The following ERBB4 variants were observed in gnomAD, a reference collection of about 807,000 sequenced individuals.
The protein encoded by ERBB4 is receptor tyrosine-protein kinase erbB-4.
A neutral mutation model predicts 158.0 loss-of-function variants in ERBB4; 42 were observed. The ratio of observed to expected loss-of-function variants is 0.27; its 90% CI spans 0.21 to 0.34. The LOEUF (loss-of-function observed/expected upper bound fraction) is 0.34. Among genes scored for constraint, ERBB4 ranks in the 10% least tolerant of loss-of-function variants. The pLI is 1.00. For missense variants in ERBB4, 1,333 were observed against 1,624.1 expected (o/e 0.82, Z 3.08); for synonymous variants, 583 against 558.7 (o/e 1.04, Z -0.61).
In ERBB4 at chr2:211,860,949, T is replaced by C. The variant is rs997451941; in HGVS notation, c.422-72790A>G. 7.4e-5 allele frequency among the ~76,000 whole-genome samples: 8 copies of C among 107,542 alleles called. 1 individual carries two copies. Among genetic ancestry groups the C allele is most frequent in the Non-Finnish European group, 1.3e-4 (7 of 54,944 alleles). The allele number at this position is 107,542 out of a possible 152,430, so 70.6% of individuals were successfully genotyped here. On this transcript the variant is annotated intron_variant, in intron 3 of 27. Coordinates refer to ENST00000342788, the MANE Select transcript of ERBB4 (RefSeq NM_005235.3). ...AATATATTACATTATATATATTTTA[T>C]ATATATATAAATATATAAATATATT...
At chr2:211,463,563 A>G (rs1331121980) in intron 20 of ERBB4, among the ~76,000 whole-genome samples, 1 of 152,168 alleles carries the variant, frequency 6.6e-6, no homozygotes, top group Non-Finnish European at 1.5e-5. Flanking sequence ...AAATGTGCTA[A>G]TAGGTCAGGC....
At chr2:212,148,258 C>T (rs918227407) in intron 1 of ERBB4, among the ~76,000 whole-genome samples, 7 of 151,530 alleles carry the variant, frequency 4.6e-5, no homozygotes, top group African/African-American at 1.7e-4. Context: ...TGAATATAGA[C>T]TAAAAACTAG....
chr2:211,727,163 C>T (rs991805827), intron 5 of ERBB4, among the ~76,000 whole-genome samples: 20 of 152,072 alleles, frequency 1.3e-4, no homozygotes, highest in South Asian at 8.3e-4. Context: ...AATATATCCA[C>T]GTTATATGGG....
intron 1 of ERBB4, among the ~76,000 whole-genome samples, chr2:212,189,210 A>G (rs2082118695): frequency 6.6e-6 from 1 of 152,046 alleles, no homozygotes; most frequent in South Asian, 2.1e-4. Context: ...AAAGTTTTGA[A>G]TTTTGCAGCA....
At chr2:211,574,896 C>T (rs1442223831) in intron 19 of ERBB4, among the ~76,000 whole-genome samples, 2 of 152,268 alleles carry the variant, frequency 1.3e-5, no homozygotes, top group South Asian at 2.1e-4. Flanking sequence ...AAGAATTCTA[C>T]CAGAGCTTAA....
chr2:211,944,177 C>CTATATATATATATATAGTGTATATA (rs1553517867), intron 3 of ERBB4, among the ~76,000 whole-genome samples: 12 of 38,578 alleles, frequency 3.1e-4, no homozygotes, highest in East Asian at 2.6e-3. Context: ...TATATATATA[C>CTATATATATATATATAGTGTATATA]TATATATATA....
At chr2:212,332,578 A>G (rs990881636) in intron 1 of ERBB4, among the ~76,000 whole-genome samples, 1 of 152,046 alleles carries the variant, frequency 6.6e-6, no homozygotes, top group African/African-American at 2.4e-5. Context: ...ATTAATTAAT[A>G]TAAGTAATGC....
chr2:211,646,079 C>A (rs1056994363), intron 16 of ERBB4, among the ~76,000 whole-genome samples: 1 of 151,262 alleles, frequency 6.6e-6, no homozygotes, highest in Non-Finnish European at 1.5e-5. Context: ...GGAAGGCTGT[C>A]CATAAAGTAC....
chr2:211,574,097 A>C (rs1327545510), intron 19 of ERBB4, among the ~76,000 whole-genome samples: 1 of 152,242 alleles, frequency 6.6e-6, no homozygotes, highest in Non-Finnish European at 1.5e-5. Flanking sequence ...TTATATCTAA[A>C]GGGAATAAAA....
chr2:212,362,025 A>G (rs971418567), intron 1 of ERBB4, among the ~76,000 whole-genome samples: 1 of 151,694 alleles, frequency 6.6e-6, no homozygotes. Flanking sequence ...TTTCACATAG[A>G]AAGTTTTTTT....
At chr2:211,835,361 C>T (rs909108988) in intron 3 of ERBB4, among the ~76,000 whole-genome samples, 7 of 94,692 alleles carry the variant, frequency 7.4e-5, no homozygotes, top group Admixed American at 6.3e-4. Flanking sequence ...TATGAGTTAG[C>T]CACAAGGACT....
chr2:212,059,020 A>AT, intron 2 of ERBB4, among the ~76,000 whole-genome samples: 1 of 152,316 alleles, frequency 6.6e-6, no homozygotes, highest in African/African-American at 2.4e-5. Flanking sequence ...TGCAGATGAC[A>AT]TGATTGTATA....
At chr2:211,394,026 C>T (rs1232504097) in intron 25 of ERBB4, among the ~76,000 whole-genome samples, 5 of 151,972 alleles carry the variant, frequency 3.3e-5, no homozygotes, top group Non-Finnish European at 7.4e-5. Context: ...TATTGTATCC[C>T]CGGGCAGCAA....
chr2:211,816,311 T>C (rs904565905), intron 3 of ERBB4, among the ~76,000 whole-genome samples: 1 of 151,642 alleles, frequency 6.6e-6, no homozygotes, highest in Non-Finnish European at 1.5e-5. Context: ...GAGGCTGAGG[T>C]GGGCAGATCA....
At chr2:212,358,963 T>A (rs1336957910) in intron 1 of ERBB4, among the ~76,000 whole-genome samples, 1 of 151,808 alleles carries the variant, frequency 6.6e-6, no homozygotes, top group Non-Finnish European at 1.5e-5. Flanking sequence ...CATGAGTAAC[T>A]GGTATAAATT....
chr2:211,491,340 G>A (rs752129300), intron 20 of ERBB4, among the ~76,000 whole-genome samples: 5 of 152,024 alleles, frequency 3.3e-5, no homozygotes, highest in Non-Finnish European at 7.4e-5. Context: ...GGCAGAATCA[G>A]GATAGGTATC....
At chr2:211,611,196 G>T (rs1312772628) in intron 19 of ERBB4, among the ~76,000 whole-genome samples, 1 of 152,074 alleles carries the variant, frequency 6.6e-6, no homozygotes, top group Non-Finnish European at 1.5e-5. Flanking sequence ...CAAGCTAAGG[G>T]ATTGAAACTT....
intron 1 of ERBB4, among the ~76,000 whole-genome samples, chr2:212,274,526 T>G (rs978153168): frequency 1.3e-5 from 2 of 151,814 alleles, no homozygotes; most frequent in African/African-American, 2.4e-5. Flanking sequence ...GGCTAGAAAA[T>G]TAATACAGTA....
intron 3 of ERBB4, among the ~76,000 whole-genome samples, chr2:211,881,292 A>G (rs1181451582): frequency 6.6e-6 from 1 of 152,176 alleles, no homozygotes; most frequent in East Asian, 1.9e-4. Context: ...ATTTAGGCAG[A>G]TAGTGAGGGC....
Sources: gnomAD v4.1 joint callset for allele counts (sites outside exome capture counted in the v4.1 genomes callset) on GRCh38, gnomAD v4.1.1 for gene constraint, MANE v1.5 for transcripts, NCBI Gene and HGNC (gene_info 2026-07-23, HGNC 2026-07-21) for gene names.